ERBB4: variants seen among roughly 807,000 people sequenced by gnomAD.
ERBB4 encodes the protein erb-b2 receptor tyrosine kinase 4.
Under a neutral mutation model 158.0 loss-of-function variants are expected in ERBB4, and 42 were observed. That is an observed-to-expected ratio of 0.27 (90% confidence interval 0.21 to 0.34). ERBB4 has a LOEUF of 0.34. Among genes scored for constraint, ERBB4 ranks in the 10% least tolerant of loss-of-function variants. ERBB4 has a pLI of 1.00. For synonymous variants in ERBB4, 583 were observed against 558.7 expected (o/e 1.04, Z -0.61); for missense variants, 1,333 against 1,624.1 (o/e 0.82, Z 3.08).
At chr2:211,592,902 T>C (rs1430753095) in intron 19 of ERBB4, among the ~76,000 whole-genome samples, 1 of 151,860 alleles carries the variant, frequency 6.6e-6, no homozygotes, top group East Asian at 1.9e-4. Context: ...TCCCAGCTAC[T>C]TGGGAGGCTG....
chr2:212,422,075 T>C (rs1017626366), intron 1 of ERBB4, among the ~76,000 whole-genome samples: 1 of 152,148 alleles, frequency 6.6e-6, no homozygotes, highest in African/African-American at 2.4e-5. Flanking sequence ...AATTCACCAT[T>C]GAAAAGTATC....
chr2:211,693,666 A>G (rs2072904499), intron 12 of ERBB4, among the ~76,000 whole-genome samples: 1 of 152,188 alleles, frequency 6.6e-6, no homozygotes, highest in Admixed American at 6.5e-5. Flanking sequence ...GCTTTGTATT[A>G]AAAATGCAGA....
chr2:211,597,176 G>T lies in ERBB4; in HGVS notation c.2301+22001C>A, dbSNP rs150773802. ...ATCCAAATGGTCTATAGAGAGGAGGGTTAGGAAAAAACCTGTAAAATACCA... is the reference window on the plus strand; with the variant it reads ...ATCCAAATGGTCTATAGAGAGGAGGTTTAGGAAAAAACCTGTAAAATACCA... On this transcript the variant is annotated intron_variant, in intron 19 of 27. Coordinates refer to ENST00000342788, the MANE Select transcript of ERBB4 (RefSeq NM_005235.3). Among the ~76,000 whole-genome samples, 951 of 152,192 alleles carry T rather than the reference G, an allele frequency of 6.2e-3. 12 individuals carry two copies. Among genetic ancestry groups the T allele is most frequent in the African/African-American group, 0.022 (921 of 41,510 alleles).
intron 1 of ERBB4, among the ~76,000 whole-genome samples, chr2:212,256,004 T>A (rs1406281263): frequency 7.7e-6 from 1 of 130,368 alleles, no homozygotes; most frequent in African/African-American, 2.6e-5. Flanking sequence ...TTTATTTATT[T>A]TTTTTTTACA....
rs1260128493 is a variant in ERBB4, at chr2:211,382,997, A to G, written c.*618T>C. Reference sequence around the variant, plus strand: ...ACCAAAAAGTGTTGAAAACATAATTACTAGTTATAACTTTAATGGAGATTT... The same window carrying G: ...ACCAAAAAGTGTTGAAAACATAATTGCTAGTTATAACTTTAATGGAGATTT... On this transcript the variant is annotated 3_prime_UTR_variant, in exon 28 of 28. Coordinates refer to ENST00000342788, the MANE Select transcript of ERBB4 (RefSeq NM_005235.3). The G allele has an allele frequency of 4.3e-6, 1 of 232,728 alleles. No individual in the cohort carries two copies. The highest frequency in any genetic ancestry group is 8.5e-6 in the Non-Finnish European group (1 of 117,786). 14.4% of individuals were successfully genotyped at this position (232,728 alleles called of 1,614,324 possible).
At chr2:212,349,128 T>C (rs1240290869) in intron 1 of ERBB4, among the ~76,000 whole-genome samples, 2 of 152,174 alleles carry the variant, frequency 1.3e-5, no homozygotes, top group Non-Finnish European at 2.9e-5. Context: ...ACAAAATGTC[T>C]TCTGAAGATG....
intron 1 of ERBB4, among the ~76,000 whole-genome samples, chr2:212,130,582 G>A (rs938105771): frequency 3.3e-5 from 5 of 152,054 alleles, no homozygotes; most frequent in Admixed American, 3.3e-4. Context: ...CTCCAAGCTT[G>A]TTCTGGCTAT....
At chr2:211,497,370 T>G (rs2065494988) in intron 20 of ERBB4, among the ~76,000 whole-genome samples, 1 of 152,156 alleles carries the variant, frequency 6.6e-6, no homozygotes, top group African/African-American at 2.4e-5. Flanking sequence ...TATTTCTAAG[T>G]ACTTTCAAAA....
chr2:212,266,221 G>C (rs1266334335), intron 1 of ERBB4, among the ~76,000 whole-genome samples: 1 of 151,474 alleles, frequency 6.6e-6, no homozygotes, highest in Non-Finnish European at 1.5e-5. Context: ...GAGGGATATT[G>C]TTATACTAGA....
intron 3 of ERBB4, among the ~76,000 whole-genome samples, chr2:211,885,721 A>C (rs977609073): frequency 6.6e-6 from 1 of 152,074 alleles, no homozygotes; most frequent in Non-Finnish European, 1.5e-5. Context: ...TGGCCTCCCA[A>C]ATGCTGAGAT....
At chr2:211,760,449 A>T (rs1251112909) in intron 4 of ERBB4, among the ~76,000 whole-genome samples, 1 of 152,246 alleles carries the variant, frequency 6.6e-6, no homozygotes, top group Non-Finnish European at 1.5e-5. Flanking sequence ...ATAATCATTC[A>T]GATTTAGGAA....
chr2:212,431,623 G>C (rs2092032582), intron 1 of ERBB4, among the ~76,000 whole-genome samples: 1 of 152,118 alleles, frequency 6.6e-6, no homozygotes, highest in Non-Finnish European at 1.5e-5. Context: ...TCCTATGTCT[G>C]AGAATAAAAG....
At chr2:212,149,166 A>G (rs545420811) in intron 1 of ERBB4, among the ~76,000 whole-genome samples, 5 of 86,156 alleles carry the variant, frequency 5.8e-5, no homozygotes, top group African/African-American at 1.1e-4. Flanking sequence ...AAAATATAAT[A>G]ATTAAAAAAA....
At chr2:211,809,987 T>C (rs1428144153) in intron 3 of ERBB4, among the ~76,000 whole-genome samples, 1 of 152,222 alleles carries the variant, frequency 6.6e-6, no homozygotes, top group Non-Finnish European at 1.5e-5. Context: ...AGTTTCCATG[T>C]AGTTGTGCTG....
At chr2:212,466,966 G>A (rs1688868624) in intron 1 of ERBB4, among the ~76,000 whole-genome samples, 1 of 152,030 alleles carries the variant, frequency 6.6e-6, no homozygotes, top group South Asian at 2.1e-4. Flanking sequence ...TGTAGCAAAG[G>A]TGACTCTTGT....
intron 1 of ERBB4, among the ~76,000 whole-genome samples, chr2:212,379,527 T>A (rs1179940044): frequency 1.3e-5 from 2 of 151,724 alleles, no homozygotes; most frequent in Non-Finnish European, 3.0e-5. Flanking sequence ...TCAGGAATGA[T>A]CACTGAATAT....
At chr2:211,975,608 T>C (rs1216392656) in intron 2 of ERBB4, among the ~76,000 whole-genome samples, 2 of 152,182 alleles carry the variant, frequency 1.3e-5, no homozygotes, top group East Asian at 3.8e-4. Context: ...AAATTATATA[T>C]TTTGAAGGGT....
intron 3 of ERBB4, among the ~76,000 whole-genome samples, chr2:211,934,756 T>C (rs1430301532): frequency 6.6e-6 from 1 of 151,886 alleles, no homozygotes; most frequent in Admixed American, 6.6e-5. Context: ...CACTCTGTTA[T>C]TATACTTTAT....
chr2:211,515,912 A>ATATATATATATATATTTT (rs35696520), intron 20 of ERBB4, among the ~76,000 whole-genome samples: 11 of 78,986 alleles, frequency 1.4e-4, no homozygotes, highest in African/African-American at 4.6e-4. Context: ...ATATATATAT[A>ATATATATATATATATTTT]TTTTTTTTTT....
Sources: allele counts gnomAD v4.1 joint callset (sites outside exome capture counted in the v4.1 genomes callset), GRCh38; gene constraint gnomAD v4.1.1; transcripts MANE v1.5; gene names NCBI Gene and HGNC (gene_info 2026-07-23, HGNC 2026-07-21).